The following SAMSN1 variants were observed in gnomAD, a reference collection of about 807,000 sequenced individuals.
SAMSN1 encodes the protein SAM domain, SH3 domain and nuclear localization signals 1.
Under a neutral mutation model 42.0 loss-of-function variants are expected in SAMSN1, and 31 were observed. The ratio of observed to expected loss-of-function variants is 0.74; its 90% CI spans 0.55 to 1.00. SAMSN1 has a LOEUF of 1.00. Ranked by LOEUF, SAMSN1 falls within the 50% of genes least tolerant of loss-of-function variation. The probability of loss-of-function intolerance (pLI) is 0.00; values close to 1 mark genes in which losing one functional copy is unlikely to be tolerated. For synonymous variants in SAMSN1, 178 were observed against 151.9 expected, an observed-to-expected ratio of 1.17 and a Z score of -1.26; for missense variants, 464 against 439.4, an observed-to-expected ratio of 1.06 and a Z score of -0.50.
chr21:14,538,284 C>A (rs1568796407), intron 1 of SAMSN1, among the ~76,000 whole-genome samples: 1 of 152,042 alleles, frequency 6.6e-6, no homozygotes, highest in East Asian at 1.9e-4. Context: ...AAAAGGCAAA[C>A]ATTCAACAAA....
intron 2 of SAMSN1, among the ~76,000 whole-genome samples, chr21:14,626,449 C>G (rs572351102): frequency 1.2e-4 from 18 of 152,180 alleles, no homozygotes; most frequent in Admixed American, 6.5e-4. Flanking sequence ...AACAAACAAC[C>G]CCATCAAAAA....
At chr21:14,585,540 T>C (rs1267645816), upstream of SAMSN1, 1 of 152,212 alleles carries the variant, frequency 6.6e-6, no homozygotes, top group East Asian at 1.9e-4. Context: ...TGAATTCAGG[T>C]AAGTAAGATC....
At chr21:14,655,604 T>A (rs1033049045) in intron 1 of SAMSN1, among the ~76,000 whole-genome samples, 17 of 151,776 alleles carry the variant, frequency 1.1e-4, no homozygotes, top group African/African-American at 4.1e-4. Flanking sequence ...ATTTTAAAGT[T>A]TACCCACGTC....
At chr21:14,645,338 G>C (rs539924980) in intron 1 of SAMSN1, among the ~76,000 whole-genome samples, 1 of 152,326 alleles carries the variant, frequency 6.6e-6, no homozygotes, top group East Asian at 1.9e-4. Flanking sequence ...TGTATGTTTG[G>C]GAGAAAGTAA....
intron 5 of SAMSN1, among the ~76,000 whole-genome samples, chr21:14,509,784 A>G (rs1987595576): frequency 6.6e-6 from 1 of 152,116 alleles, no homozygotes; most frequent in Admixed American, 6.5e-5. Flanking sequence ...ACATAATAAC[A>G]ACTTACACTA....
chr21:14,538,142 C>G (rs1277959398), intron 1 of SAMSN1, among the ~76,000 whole-genome samples: 1 of 151,952 alleles, frequency 6.6e-6, no homozygotes, highest in African/African-American at 2.4e-5. Context: ...GTTTTTGGAG[C>G]GGACGGAGGT....
intron 2 of SAMSN1, among the ~76,000 whole-genome samples, chr21:14,577,825 A>G (rs1338357396): frequency 6.6e-6 from 1 of 152,192 alleles, no homozygotes; most frequent in Non-Finnish European, 1.5e-5. Flanking sequence ...CTTGTGGAGT[A>G]TACCCTTTCA....
chr21:14,583,001 A>G (rs148101747), intron 1 of SAMSN1, among the ~76,000 whole-genome samples: 175 of 152,276 alleles, frequency 1.1e-3, no homozygotes, highest in African/African-American at 4.1e-3. Flanking sequence ...AGATGTATGG[A>G]TGCAGTGTGT....
chr21:14,646,487 C>T (rs190404160), intron 1 of SAMSN1, among the ~76,000 whole-genome samples: 118 of 152,158 alleles, frequency 7.8e-4, no homozygotes, highest in Admixed American at 6.3e-3. Context: ...ATTTCAAGAA[C>T]GCCAGGTCAG....
intron 1 of SAMSN1, among the ~76,000 whole-genome samples, chr21:14,656,612 A>G (rs1256785082): frequency 1.3e-5 from 2 of 151,768 alleles, no homozygotes; most frequent in Non-Finnish European, 2.9e-5. Context: ...ATAAAAGGAT[A>G]TTTCTGCCTC....
chr21:14,601,730 C>T (rs1323959445), intron 6 of SAMSN1, among the ~76,000 whole-genome samples: 2 of 152,302 alleles, frequency 1.3e-5, no homozygotes, highest in Non-Finnish European at 2.9e-5. Context: ...TAGGTCTTGA[C>T]AGGAACATCC....
chr21:14,641,768 A>G (rs1983603498), intron 2 of SAMSN1, among the ~76,000 whole-genome samples: 1 of 152,196 alleles, frequency 6.6e-6, no homozygotes, highest in South Asian at 2.1e-4. Context: ...AGCCACAACA[A>G]AAGTAAAAGA....
At chr21:14,562,433 G>A (rs1021167425) in intron 2 of SAMSN1, among the ~76,000 whole-genome samples, 8 of 152,024 alleles carry the variant, frequency 5.3e-5, no homozygotes, top group Non-Finnish European at 7.4e-5. Context: ...CCTGAACAAA[G>A]AAAGAGACAT....
intron 1 of SAMSN1, among the ~76,000 whole-genome samples, chr21:14,647,084 A>G (rs1983728577): frequency 6.6e-6 from 1 of 152,218 alleles, no homozygotes. Context: ...ATAACATTGA[A>G]TGTAAATGAA....
intron 1 of SAMSN1, among the ~76,000 whole-genome samples, chr21:14,652,481 A>G (rs1307417755): frequency 6.6e-6 from 1 of 152,204 alleles, no homozygotes; most frequent in East Asian, 1.9e-4. Context: ...AAAACTAAAT[A>G]TTCAAATGCA....
intron 3 of SAMSN1, 22 bp downstream of exon 3, chr21:14,516,870 A>G: frequency 1.3e-6 from 2 of 1,581,470 alleles, no homozygotes; most frequent in Non-Finnish European, 1.7e-6. Flanking sequence ...AAAAATACAA[A>G]TGATTATCAG....
intron 2 of SAMSN1, among the ~76,000 whole-genome samples, chr21:14,554,298 C>T (rs1980688301): frequency 6.6e-6 from 1 of 152,054 alleles, no homozygotes; most frequent in Non-Finnish European, 1.5e-5. Context: ...GTTATTTAGC[C>T]TTTCCATAAA....
upstream of SAMSN1, among the ~76,000 whole-genome samples, chr21:14,586,728 A>T (rs1023537453): frequency 2.6e-5 from 4 of 152,198 alleles, no homozygotes; most frequent in Non-Finnish European, 5.9e-5. Context: ...GCTTCACTGA[A>T]GATACTAAAG....
rs189382908 is a variant in SAMSN1 at position 14,543,153 on chromosome 21, C to A, written c.57+3052G>T. ...GAAGTTATTAACATTCCAGTACATGCAATGGGTTTCTTTTGTAATAATTCT... is the reference window on the plus strand; with the variant it reads ...GAAGTTATTAACATTCCAGTACATGAAATGGGTTTCTTTTGTAATAATTCT... On this transcript the variant is annotated intron_variant, in intron 1 of 7. Transcript: ENST00000400566. 1.2e-4 allele frequency among the ~76,000 whole-genome samples: 19 copies of A among 152,290 alleles called. No homozygotes were observed. In the East Asian group the frequency reaches 2.9e-3, roughly 23 times the overall value.
Sources: allele counts gnomAD v4.1 joint callset (sites outside exome capture counted in the v4.1 genomes callset), GRCh38; gene constraint gnomAD v4.1.1; transcripts MANE v1.5; gene names NCBI Gene and HGNC (gene_info 2026-07-23, HGNC 2026-07-21).